CTDP1: variants seen among roughly 807,000 people sequenced by gnomAD.
CTDP1 encodes the protein RNA polymerase II subunit A C-terminal domain phosphatase.
Under a neutral mutation model 91.8 loss-of-function variants are expected in CTDP1, and 47 were observed. That is an observed-to-expected ratio of 0.51 (90% confidence interval 0.41 to 0.65). The LOEUF is 0.65. Ranked by LOEUF, CTDP1 falls within the 30% of genes least tolerant of loss-of-function variation. The probability of loss-of-function intolerance (pLI) is 0.00; values close to 1 mark genes in which losing one functional copy is unlikely to be tolerated. For synonymous variants in CTDP1, 656 were observed against 598.5 expected (o/e 1.10, Z -1.40); for missense variants, 1,272 against 1,373.7 (o/e 0.93, Z 1.17).
At chr18:79,751,087 G>A (rs1195989602) in intron 12 of CTDP1, among the ~76,000 whole-genome samples, 1 of 126,940 alleles carries the variant, frequency 7.9e-6, no homozygotes, top group Non-Finnish European at 1.6e-5. Flanking sequence ...AGGGAGGGAG[G>A]GAGGCTGGGC....
rs748131288 is a variant in CTDP1 at position 79,717,681 on chromosome 18, G to A, written c.2210+5G>A. ...CGATCACACCAAGGCACAGAGGTGG[G>A]TCCTCGCTGCACCCAGCAGGTCCGT... On this transcript the variant is annotated splice_donor_5th_base_variant and intron_variant, in intron 9 of 12. Transcript: ENST00000613122. The A allele has an allele frequency of 6.2e-7, 1 of 1,614,010 alleles. No homozygotes were observed. Among genetic ancestry groups the A allele is most frequent in the South Asian group, 1.1e-5 (1 of 91,092 alleles).
chr18:79,717,075 G>A (rs2086225987), intron 8 of CTDP1, among the ~76,000 whole-genome samples: 1 of 151,040 alleles, frequency 6.6e-6, no homozygotes. Context: ...CCGGGTGAGG[G>A]CCCTGAGCCC....
In CTDP1 at chr18:79,714,682, C is replaced by A. The variant is rs1490103175; in HGVS notation, c.1222C>A (p.Pro408Thr). The A allele has an allele frequency of 1.2e-6, 2 of 1,610,562 alleles. No homozygotes were observed. Among genetic ancestry groups the A allele is most frequent in the Non-Finnish European group, 1.7e-6 (2 of 1,178,906 alleles). The change falls in exon 8 of 13, where the codon CCC (proline) becomes ACC (threonine). Residue 408 changes from proline to threonine, a missense_variant. Pro to Thr is a conservative substitution (Grantham distance 38). Coordinates refer to ENST00000613122, the MANE Select transcript of CTDP1 (RefSeq NM_004715.5). ...PGKPDERDIW[P>T]PAQAPTSSQE... ...GAAGCCAGACGAGAGGGACATCTGG[C>A]CCCCTGCCCAGGCCCCCACCAGCAG... is the stretch of plus-strand genomic sequence containing the variant.
Position 79,715,496 on chromosome 18 carries a change from A to G in CTDP1, c.2036A>G (p.Asp679Gly), listed in dbSNP as rs1334452090. ...TRLVLSPDAPDRATHLIAARA... is the reference protein window; with the variant it reads ...TRLVLSPDAPGRATHLIAARA... ...CTGGTGCTGAGCCCCGACGCCCCTGACAGGGCCACGCACCTGATCGCCGCG... is the reference window on the plus strand; with the variant it reads ...CTGGTGCTGAGCCCCGACGCCCCTGGCAGGGCCACGCACCTGATCGCCGCG... Residue 679 changes from aspartate (D) to glycine (G), a missense_variant, in exon 8 of 13, where the codon GAC becomes GGC. Transcript: ENST00000613122. 3.2e-6 allele frequency: 5 copies of G among 1,572,688 alleles called. No homozygotes were observed. The highest frequency in any genetic ancestry group is 4.3e-6 in the Non-Finnish European group (5 of 1,161,564).
At chr18:79,721,284 T>G (rs2086340188) in intron 10 of CTDP1, among the ~76,000 whole-genome samples, 1 of 152,018 alleles carries the variant, frequency 6.6e-6, no homozygotes. Flanking sequence ...ATTCCAACTC[T>G]CCAGCCAGTT....
chr18:79,718,028 C>T lies in CTDP1; in HGVS notation c.2417+12C>T, dbSNP rs1219078822. 2 of 1,612,436 alleles carry T rather than the reference C, an allele frequency of 1.2e-6. No individual in the cohort carries two copies. Among genetic ancestry groups the T allele is most frequent in the Non-Finnish European group, 1.7e-6 (2 of 1,179,720 alleles). On this transcript the variant is annotated intron_variant, in intron 10 of 12. Transcript: ENST00000613122. ...CCCTCTTCCTTCAGGTACGTGGCGG[C>T]CCAGCCACTGTCCCCAGCTAATGAG...
intron 12 of CTDP1, among the ~76,000 whole-genome samples, chr18:79,741,969 C>A (rs2086786742): frequency 1.3e-5 from 2 of 152,220 alleles, no homozygotes; most frequent in African/African-American, 4.8e-5. Flanking sequence ...AGAAGCACAA[C>A]AAACTCCAAA....
At chr18:79,694,651 A>C (rs1489506716) in intron 1 of CTDP1, among the ~76,000 whole-genome samples, 1 of 151,902 alleles carries the variant, frequency 6.6e-6, no homozygotes, top group African/African-American at 2.4e-5. Flanking sequence ...GAGGGCACCT[A>C]GGGGCGGGCG....
upstream of CTDP1, chr18:79,679,004 C>T: frequency 8.8e-6 from 2 of 227,142 alleles, no homozygotes; most frequent in Non-Finnish European, 1.8e-5. Context: ...GCTTAATTCA[C>T]GTAAATTCCA....
At chr18:79,682,219 G>A (rs1377636813) in intron 1 of CTDP1, among the ~76,000 whole-genome samples, 2 of 152,212 alleles carry the variant, frequency 1.3e-5, no homozygotes, top group Non-Finnish European at 2.9e-5. Context: ...GGGGGCTGCC[G>A]TTGGGAGCCG....
intron 10 of CTDP1, among the ~76,000 whole-genome samples, chr18:79,722,945 G>C (rs1213493864): frequency 6.6e-6 from 1 of 152,138 alleles, no homozygotes; most frequent in Non-Finnish European, 1.5e-5. Context: ...ACAGTAGAGT[G>C]TTTTCTTCTG....
chr18:79,712,398 C>T lies in CTDP1; in HGVS notation c.864-574C>T, dbSNP rs1163743920. Among the ~76,000 whole-genome samples, 6 of 152,206 alleles carry T rather than the reference C, an allele frequency of 3.9e-5. No homozygotes were observed. In the East Asian group the frequency reaches 1.2e-3, roughly 29 times the overall value. On this transcript the variant is annotated intron_variant, in intron 6 of 12. Transcript: ENST00000613122. Reference sequence around the variant, plus strand: ...CTGGGCTCAAGCTATCCTCCCACTTCAGCCTTCTGAGTAGCCGGGACTACG... The same window carrying T: ...CTGGGCTCAAGCTATCCTCCCACTTTAGCCTTCTGAGTAGCCGGGACTACG...
At chr18:79,715,637 T>C in intron 8 of CTDP1, 109 bp downstream of exon 8, 1 of 1,159,084 alleles carries the variant, frequency 8.6e-7, no homozygotes, top group South Asian at 1.5e-5. Context: ...TTCAGAAACA[T>C]TTCCCAGAAT....
intron 1 of CTDP1, among the ~76,000 whole-genome samples, chr18:79,682,327 G>A (rs1052644582): frequency 1.9e-4 from 29 of 152,208 alleles, no homozygotes; most frequent in African/African-American, 6.3e-4. Context: ...TGTGAACAGG[G>A]TGGGTTACAA....
chr18:79,694,387 A>G (rs1290354100), intron 1 of CTDP1, among the ~76,000 whole-genome samples: 3 of 67,988 alleles, frequency 4.4e-5, no homozygotes, highest in Admixed American at 3.4e-4. Flanking sequence ...AGTGCCGGGC[A>G]GCCTCGTGTC....
At chr18:79,698,489 T>C (rs1173975139) in intron 4 of CTDP1, among the ~76,000 whole-genome samples, 2 of 152,018 alleles carry the variant, frequency 1.3e-5, no homozygotes, top group Non-Finnish European at 2.9e-5. Flanking sequence ...CACGGGGAAA[T>C]GCAGGGTGAG....
rs2087053482 is a variant in CTDP1, at chr18:79,753,940, C to A, written c.*150C>A. 1.8e-6 allele frequency: 2 copies of A among 1,106,430 alleles called. No individual in the cohort carries two copies. Among genetic ancestry groups the A allele is most frequent in the East Asian group, 2.6e-5 (1 of 38,368 alleles). 68.5% of individuals were successfully genotyped at this position (1,106,430 alleles called of 1,614,324 possible). ...CCACATACAGAAACACATTATTTTGCAGAAATAGGTGTTTTTAAGAAGTTT... is the reference window on the plus strand; with the variant it reads ...CCACATACAGAAACACATTATTTTGAAGAAATAGGTGTTTTTAAGAAGTTT... On this transcript the variant is annotated 3_prime_UTR_variant, in exon 13 of 13. Coordinates refer to ENST00000613122, the MANE Select transcript of CTDP1 (RefSeq NM_004715.5).
chr18:79,722,233 C>CA (rs2086359618), intron 10 of CTDP1, among the ~76,000 whole-genome samples: 1 of 152,198 alleles, frequency 6.6e-6, no homozygotes, highest in African/African-American at 2.4e-5. Flanking sequence ...AACACTTTTA[C>CA]TTGAATGACA....
At chr18:79,705,358 G>A (rs563021782) in intron 5 of CTDP1, among the ~76,000 whole-genome samples, 21 of 152,290 alleles carry the variant, frequency 1.4e-4, no homozygotes, top group African/African-American at 4.1e-4. Context: ...GGGTGATAGC[G>A]TGAATGCCAG....
Sources: allele counts gnomAD v4.1 joint callset (sites outside exome capture counted in the v4.1 genomes callset), GRCh38; gene constraint gnomAD v4.1.1; transcripts MANE v1.5; gene names NCBI Gene and HGNC (gene_info 2026-07-23, HGNC 2026-07-21).